The following SPINK2 variants were observed in gnomAD, a reference collection of about 807,000 sequenced individuals.
SPINK2 encodes serine peptidase inhibitor Kazal type 2.
Under a neutral mutation model 13.5 loss-of-function variants are expected in SPINK2, and 8 were observed. That is an observed-to-expected ratio of 0.59 (90% CI 0.35 to 1.07). The LOEUF (loss-of-function observed/expected upper bound fraction) is 1.07, where lower values mean the gene tolerates loss of function less well. Ranked by LOEUF, SPINK2 falls within the 50% of genes least tolerant of loss-of-function variation. The pLI is 0.02. For missense variants in SPINK2, 148 were observed against 180.3 expected (o/e 0.82, Z 1.03); for synonymous variants, 76 against 74.7 (o/e 1.02, Z -0.09).
chr4:56,820,395 G>T, intron 2 of SPINK2, 141 bp downstream of exon 2: 2 of 620,072 alleles, frequency 3.2e-6, no homozygotes, highest in East Asian at 2.7e-5. Context: ...TGAATCAAAA[G>T]GCCTGCCTGA....
intron 1 of SPINK2, 155 bp downstream of exon 1, chr4:56,821,303 C>T: frequency 1.0e-6 from 1 of 985,454 alleles, no homozygotes; most frequent in Middle Eastern, 5.2e-4. Context: ...AAAAACTCAA[C>T]TCCTCATCTT....
At chr4:56,811,589 C>G in intron 3 of SPINK2, 96 bp downstream of exon 3, 1 of 724,610 alleles carries the variant, frequency 1.4e-6, no homozygotes, top group South Asian at 1.8e-5. Flanking sequence ...TGCACTCCAG[C>G]CTGGGTGACA....
intron 2 of SPINK2, among the ~76,000 whole-genome samples, chr4:56,815,061 G>C (rs1056399105): frequency 1.3e-5 from 2 of 151,662 alleles, no homozygotes; most frequent in Non-Finnish European, 2.9e-5. Context: ...CTCCAGCCTA[G>C]GGGACAAGGG....
At chr4:56,821,429 C>G (rs1024871655) in intron 1 of SPINK2, 29 bp downstream of exon 1, 2 of 1,485,904 alleles carry the variant, frequency 1.3e-6, no homozygotes, top group Admixed American at 4.5e-5. Context: ...CAAAGCCACC[C>G]CCACAACCCC....
chr4:56,818,656 C>T (rs141109230), intron 2 of SPINK2, among the ~76,000 whole-genome samples: 7 of 152,166 alleles, frequency 4.6e-5, no homozygotes, highest in South Asian at 4.2e-4. Flanking sequence ...AGCAAGACTC[C>T]GTCTCCAAAA....
At chr4:56,815,959 C>T (rs1206871174) in intron 2 of SPINK2, among the ~76,000 whole-genome samples, 1 of 151,782 alleles carries the variant, frequency 6.6e-6, no homozygotes, top group Non-Finnish European at 1.5e-5. Flanking sequence ...AAAAATTAGC[C>T]ATGTGTGGTG....
At chr4:56,820,632 G>T in intron 1 of SPINK2, 53 bp from the exon 2 acceptor site, 4 of 1,406,170 alleles carry the variant, frequency 2.8e-6, no homozygotes, top group South Asian at 2.4e-5. Flanking sequence ...GTAAGGTATT[G>T]TTCATGAAGT....
intron 2 of SPINK2, among the ~76,000 whole-genome samples, chr4:56,815,762 T>TCACACACACACACACACACACA (rs140055216): frequency 7.0e-6 from 1 of 142,972 alleles, no homozygotes; most frequent in African/African-American, 2.6e-5. Flanking sequence ...CCTAAGAAAT[T>TCACACACACACACACACACACA]CACACACACA....
chr4:56,821,779 GA>G, upstream of SPINK2: 1 of 1,127,638 alleles, frequency 8.9e-7, no homozygotes, highest in Non-Finnish European at 1.2e-6. Context: ...AGAATGGGAG[GA>G]AAAGCAGCGG....
intron 2 of SPINK2, among the ~76,000 whole-genome samples, chr4:56,819,744 T>C (rs4864604): frequency 4.8e-4 from 73 of 152,048 alleles, no homozygotes; most frequent in Admixed American, 4.1e-3. Flanking sequence ...GCCTTCCCAG[T>C]AGGTGGGATT....
Position 56,811,740 on chromosome 4 carries a change from A to C in SPINK2, c.304T>G (p.Cys102Gly). 1 of 1,611,880 alleles carries C rather than the reference A, an allele frequency of 6.2e-7. No homozygotes were observed. The highest frequency in any genetic ancestry group is 8.5e-7 in the Non-Finnish European group (1 of 1,178,542). Residue 102 changes from cysteine (C) to glycine (G), a missense_variant, in exon 3 of 4, where the codon TGT (cysteine) becomes GGT (glycine). Transcript: ENST00000506738. Reference sequence around the variant, plus strand: ...GCATAAGTGGACATGTCACTGCCACACACAGGGTTAAAGTGTCTGGGACAT... The same window carrying C: ...GCATAAGTGGACATGTCACTGCCACCCACAGGGTTAAAGTGTCTGGGACAT... ...PGCPRHFNPVCGSDMSTYANE... is the reference protein window; with the variant it reads ...PGCPRHFNPVGGSDMSTYANE...
At chr4:56,814,859 G>A (rs887886222) in intron 2 of SPINK2, among the ~76,000 whole-genome samples, 3 of 151,740 alleles carry the variant, frequency 2.0e-5, no homozygotes, top group Non-Finnish European at 2.9e-5. Flanking sequence ...TACTCGGGAG[G>A]CTGAGGCAGG....
chr4:56,820,446 G>A (rs776518119), intron 2 of SPINK2, 90 bp downstream of exon 2: 195 of 944,444 alleles, frequency 2.1e-4, no homozygotes, highest in Non-Finnish European at 2.9e-4. Flanking sequence ...TTTCAAAAGT[G>A]GCAGGTCAGA....
chr4:56,819,850 C>G (rs529952688), intron 2 of SPINK2, among the ~76,000 whole-genome samples: 1 of 152,058 alleles, frequency 6.6e-6, no homozygotes, highest in Non-Finnish European at 1.5e-5. Context: ...TTCCTGACCT[C>G]GTGATCTGCC....
At chr4:56,821,753 G>C, upstream of SPINK2, 1 of 1,304,060 alleles carries the variant, frequency 7.7e-7, no homozygotes, top group Non-Finnish European at 1.0e-6. Flanking sequence ...GGGAGGGCGG[G>C]GGAAGGGGCG....
At chr4:56,811,447 T>C (rs1445626482) in intron 3 of SPINK2, among the ~76,000 whole-genome samples, 2 of 152,016 alleles carry the variant, frequency 1.3e-5, no homozygotes, top group Admixed American at 1.3e-4. Flanking sequence ...GGTGAAACCC[T>C]GTCTCTACTA....
intron 2 of SPINK2, among the ~76,000 whole-genome samples, chr4:56,813,687 G>A (rs1037826819): frequency 3.3e-5 from 5 of 151,270 alleles, no homozygotes; most frequent in Admixed American, 6.6e-5. Flanking sequence ...GTGCCATTTC[G>A]GCTCACTGCA....
At chr4:56,819,274 C>A (rs1247734497) in intron 2 of SPINK2, among the ~76,000 whole-genome samples, 2 of 151,364 alleles carry the variant, frequency 1.3e-5, no homozygotes, top group African/African-American at 4.9e-5. Flanking sequence ...CGTGGGAAGG[C>A]TTCCTGGAAG....
chr4:56,811,312 C>G (rs2109647286), intron 3 of SPINK2, among the ~76,000 whole-genome samples: 1 of 152,192 alleles, frequency 6.6e-6, no homozygotes, highest in South Asian at 2.1e-4. Flanking sequence ...CCTAAGTAAT[C>G]AAAATTCAAC....
Sources: allele counts gnomAD v4.1 joint callset (sites outside exome capture counted in the v4.1 genomes callset), GRCh38; gene constraint gnomAD v4.1.1; transcripts MANE v1.5; gene names NCBI Gene and HGNC (gene_info 2026-07-23, HGNC 2026-07-21).